FAP: variants seen among roughly 807,000 people sequenced by gnomAD.
The protein encoded by FAP is prolyl endopeptidase FAP.
In FAP, 110 loss-of-function variants were observed where a neutral mutation model predicts 126.5. The observed-to-expected ratio is 0.87, with a 90% CI of 0.74 to 1.02. FAP has a LOEUF of 1.02. Among genes scored for constraint, FAP ranks in the 50% least tolerant of loss-of-function variants. FAP has a pLI of 0.00. For synonymous variants in FAP, 334 were observed against 297.3 expected (o/e 1.12, Z -1.27); for missense variants, 919 against 909.2 (o/e 1.01, Z -0.14).
At chr2:162,222,414 T>C (rs1423834570) in intron 6 of FAP, among the ~76,000 whole-genome samples, 1 of 152,216 alleles carries the variant, frequency 6.6e-6, no homozygotes, top group East Asian at 1.9e-4. Flanking sequence ...AGATTCTACT[T>C]TAAAAAGCAG....
chr2:162,236,733 G>C (rs1417665323), intron 2 of FAP, among the ~76,000 whole-genome samples: 3 of 152,092 alleles, frequency 2.0e-5, no homozygotes, highest in Non-Finnish European at 4.4e-5. Flanking sequence ...TCAGCCTCCT[G>C]AGTAGCAGAG....
intron 17 of FAP, among the ~76,000 whole-genome samples, chr2:162,194,437 T>C (rs1336740976): frequency 2.0e-5 from 3 of 152,134 alleles, no homozygotes; most frequent in Non-Finnish European, 4.4e-5. Context: ...TAAGGCTGAT[T>C]GGAGAAGATA....
At chr2:162,201,019 A>T (rs1688475967) in intron 14 of FAP, among the ~76,000 whole-genome samples, 1 of 152,162 alleles carries the variant, frequency 6.6e-6, no homozygotes, top group South Asian at 2.1e-4. Context: ...AGCCCTGTCA[A>T]TAGATGGGTT....
At chr2:162,204,098 C>T (rs1688604946) in intron 12 of FAP, among the ~76,000 whole-genome samples, 2 of 152,092 alleles carry the variant, frequency 1.3e-5, no homozygotes, top group Admixed American at 1.3e-4. Flanking sequence ...TGTCCCTCCA[C>T]ATGAGAACTG....
intron 2 of FAP, among the ~76,000 whole-genome samples, chr2:162,240,223 A>G (rs1485695291): frequency 6.6e-6 from 1 of 152,250 alleles, no homozygotes; most frequent in South Asian, 2.1e-4. Flanking sequence ...GCAAAACTAA[A>G]AAGGGAATAT....
rs558926053 is a variant in FAP at position 162,182,211 on chromosome 2, T to G, written c.1869+1203A>C. On this transcript the variant is annotated intron_variant, in intron 21 of 25. Transcript: ENST00000188790. The stretch of plus-strand genomic sequence containing the variant: ...ACTAATACCTAGAATGTTCTATAAA[T>G]AAAATAAAAAGTTCTACTTTATGGT... 4.6e-5 allele frequency among the ~76,000 whole-genome samples: 7 copies of G among 152,234 alleles called. No individual in the cohort carries two copies. The East Asian group carries it at 1.2e-3, about 25-fold the overall frequency.
chr2:162,170,972 A>C lies in FAP; in HGVS notation c.*7T>G, dbSNP rs201409144. The C allele has an allele frequency of 2.5e-4, 399 of 1,609,982 alleles. 3 individuals are homozygous for C. In the Admixed American group the frequency reaches 6.6e-3, roughly 27 times the overall value. On this transcript the variant is annotated 3_prime_UTR_variant, in exon 26 of 26. Transcript: ENST00000188790. ...GATTCTGATACAGGCTTGCATCTGC[A>C]TCGTTTTTAGTCTGACAAAGAGAAA...
chr2:162,180,931 C>G (rs1389284648), intron 21 of FAP, among the ~76,000 whole-genome samples: 1 of 151,978 alleles, frequency 6.6e-6, no homozygotes, highest in East Asian at 1.9e-4. Context: ...GAAAGGAAGA[C>G]TAATGAGGGT....
chr2:162,236,838 AGT>A (rs1690155521), intron 2 of FAP, among the ~76,000 whole-genome samples: 1 of 152,070 alleles, frequency 6.6e-6, no homozygotes, highest in Admixed American at 6.6e-5. Context: ...CCTGGCCTCA[AGT>A]GATCCATCAT....
intron 2 of FAP, among the ~76,000 whole-genome samples, chr2:162,232,521 T>A (rs1470924179): frequency 6.6e-6 from 1 of 152,102 alleles, no homozygotes; most frequent in South Asian, 2.1e-4. Context: ...CCTCAAAACC[T>A]AGGTTAAGAG....
chr2:162,179,765 T>TCTAC lies in FAP; in HGVS notation c.1869+3648_1869+3649insGTAG, dbSNP rs1687617996. Among the ~76,000 whole-genome samples, 3 of 72,172 alleles carry TCTAC rather than the reference T, an allele frequency of 4.2e-5. 1 individual carries two copies. The highest frequency in any genetic ancestry group is 8.8e-5 in the Non-Finnish European group (3 of 34,010). 47.3% of individuals were successfully genotyped at this position (72,172 alleles called of 152,430 possible). On this transcript the variant is annotated intron_variant, in intron 21 of 25. Coordinates refer to ENST00000188790, the MANE Select transcript of FAP (RefSeq NM_004460.5). ...ATGGGAACAAGGAAGCACAGATCTA[T>TCTAC]CTATCTATCTATCTATCTATCTATC...
intron 2 of FAP, among the ~76,000 whole-genome samples, chr2:162,233,810 G>T (rs1210233925): frequency 6.6e-6 from 1 of 152,082 alleles, no homozygotes; most frequent in Non-Finnish European, 1.5e-5. Flanking sequence ...ACATAAAAAT[G>T]TATCTGTATG....
At chr2:162,191,936 C>G (rs1265383871) in intron 17 of FAP, among the ~76,000 whole-genome samples, 1 of 152,114 alleles carries the variant, frequency 6.6e-6, no homozygotes, top group African/African-American at 2.4e-5. Flanking sequence ...CCAACAATTT[C>G]TTTATTCTGT....
intron 25 of FAP, chr2:162,171,933 C>T (rs1165613743): frequency 1.3e-5 from 2 of 152,108 alleles, no homozygotes; most frequent in Non-Finnish European, 2.9e-5. Context: ...TAATTATTCT[C>T]TTCCAGCTAT....
intron 12 of FAP, among the ~76,000 whole-genome samples, chr2:162,208,254 TAA>T (rs77137293): frequency 6.5e-5 from 9 of 137,618 alleles, no homozygotes; most frequent in Non-Finnish European, 6.4e-5. Context: ...GATTCCGTCT[TAA>T]AAAAAAAAAA....
At chr2:162,192,175 C>A (rs186740705) in intron 17 of FAP, among the ~76,000 whole-genome samples, 1 of 152,264 alleles carries the variant, frequency 6.6e-6, no homozygotes, top group African/African-American at 2.4e-5. Flanking sequence ...CACACTCAGA[C>A]CAACTGGAAA....
At chr2:162,219,031 A>C in intron 8 of FAP, 32 bp downstream of exon 8, 1 of 1,533,222 alleles carries the variant, frequency 6.5e-7, no homozygotes. Flanking sequence ...AAAAGCCTAA[A>C]GCATTAGCAG....
At chr2:162,198,213 T>C (rs1259387703) in intron 16 of FAP, 5 of 1,289,602 alleles carry the variant, frequency 3.9e-6, no homozygotes, top group Non-Finnish European at 5.1e-6. Flanking sequence ...CAAAGGTTCA[T>C]CTTCTATCCC....
At chr2:162,196,222 T>C (rs1688247474) in intron 16 of FAP, among the ~76,000 whole-genome samples, 1 of 152,206 alleles carries the variant, frequency 6.6e-6, no homozygotes, top group Non-Finnish European at 1.5e-5. Context: ...TTTGGTTTCC[T>C]GCCTGAATCC....
Sources: allele counts gnomAD v4.1 joint callset (sites outside exome capture counted in the v4.1 genomes callset), GRCh38; gene constraint gnomAD v4.1.1; transcripts MANE v1.5; gene names NCBI Gene and HGNC (gene_info 2026-07-23, HGNC 2026-07-21).